The following GRIK1 variants were observed in gnomAD, a reference collection of about 807,000 sequenced individuals.
GRIK1 encodes glutamate receptor ionotropic, kainate 1.
GRIK1 carries 69 observed loss-of-function variants against 105.7 expected under a neutral mutation model. The ratio of observed to expected loss-of-function variants is 0.65; its 90% confidence interval spans 0.54 to 0.80. GRIK1 has a LOEUF of 0.80. Among genes scored for constraint, GRIK1 ranks in the 30% least tolerant of loss-of-function variants. The pLI is 0.00. For missense variants in GRIK1, 1,109 were observed against 1,167.3 expected, an observed-to-expected ratio of 0.95 and a Z score of 0.73; for synonymous variants, 438 against 431.3, an observed-to-expected ratio of 1.02 and a Z score of -0.19.
chr21:29,911,262 AACT>A, intron 1 of GRIK1, among the ~76,000 whole-genome samples: 1 of 152,234 alleles, frequency 6.6e-6, no homozygotes, highest in East Asian at 1.9e-4. Context: ...CTGTGTCATC[AACT>A]ACTATTTATT....
chr21:29,541,482 G>C (rs1264652384), intron 16 of GRIK1, among the ~76,000 whole-genome samples: 2 of 151,404 alleles, frequency 1.3e-5, no homozygotes, highest in Non-Finnish European at 2.9e-5. Flanking sequence ...CAGTCCAATG[G>C]GTGGCATATT....
intron 1 of GRIK1, among the ~76,000 whole-genome samples, chr21:29,930,417 A>C (rs1267902030): frequency 6.6e-6 from 1 of 152,212 alleles, no homozygotes; most frequent in East Asian, 1.9e-4. Flanking sequence ...CCTCACAATG[A>C]AAGAAAGTAA....
At chr21:29,540,070 G>A (rs1259939410) in intron 16 of GRIK1, among the ~76,000 whole-genome samples, 1 of 152,054 alleles carries the variant, frequency 6.6e-6, no homozygotes, top group Non-Finnish European at 1.5e-5. Flanking sequence ...CATTGAAATC[G>A]CCCAAATGAA....
intron 7 of GRIK1, among the ~76,000 whole-genome samples, chr21:29,641,420 G>A (rs2062508065): frequency 6.6e-6 from 1 of 152,316 alleles, no homozygotes; most frequent in South Asian, 2.1e-4. Flanking sequence ...CGCCATGATT[G>A]TGAGGCCTCC....
intron 1 of GRIK1, among the ~76,000 whole-genome samples, chr21:29,835,212 T>G (rs1479212048): frequency 6.6e-6 from 1 of 152,160 alleles, no homozygotes; most frequent in East Asian, 1.9e-4. Context: ...TGAAATTTCA[T>G]GGGGACTTAC....
chr21:29,619,041 G>A (rs1241648892), intron 7 of GRIK1, among the ~76,000 whole-genome samples: 3 of 150,112 alleles, frequency 2.0e-5, no homozygotes. Flanking sequence ...CAGGAGAAAA[G>A]CGTGAACCCA....
At chr21:29,816,851 A>G (rs1446279457) in intron 1 of GRIK1, among the ~76,000 whole-genome samples, 2 of 152,150 alleles carry the variant, frequency 1.3e-5, no homozygotes, top group Non-Finnish European at 2.9e-5. Flanking sequence ...GAATAGAAAG[A>G]GTAAGTTCTA....
At chr21:29,704,175 C>T (rs750081661) in intron 1 of GRIK1, among the ~76,000 whole-genome samples, 3 of 152,150 alleles carry the variant, frequency 2.0e-5, no homozygotes, top group Non-Finnish European at 2.9e-5. Context: ...TAAGACTATG[C>T]TAGGAGGAGT....
At position 29,587,605 on chromosome 21, in the gene GRIK1, C is replaced by G; in HGVS notation, c.1570-16G>C. On this transcript the variant is annotated splice_polypyrimidine_tract_variant and intron_variant, in intron 11 of 17. Transcript: ENST00000327783. The stretch of plus-strand genomic sequence containing the variant: ...GGTCAGCCCTCTGCAAAAGCAAGTC[C>G]AAAATTGTCAGCTTAGTCTAGTTTC... The G allele has an allele frequency of 3.3e-6, 5 of 1,499,214 alleles. No homozygotes were observed. The highest frequency in any genetic ancestry group is 4.6e-6 in the Non-Finnish European group (5 of 1,078,012). 92.9% of individuals were successfully genotyped at this position (1,499,214 alleles called of 1,614,324 possible).
At chr21:29,870,911 T>C (rs1258755711) in intron 1 of GRIK1, among the ~76,000 whole-genome samples, 7 of 152,140 alleles carry the variant, frequency 4.6e-5, no homozygotes, top group African/African-American at 1.7e-4. Context: ...TGATCTAGTT[T>C]ACCGGCTTAC....
At chr21:29,576,133 T>C (rs1368727426) in intron 14 of GRIK1, among the ~76,000 whole-genome samples, 1 of 152,202 alleles carries the variant, frequency 6.6e-6, no homozygotes, top group Non-Finnish European at 1.5e-5. Context: ...TTTTGTTCTT[T>C]TCATAAGTAG....
At chr21:29,848,779 A>ATATATATATATATATATATATATATATAT in intron 1 of GRIK1, among the ~76,000 whole-genome samples, 1 of 77,884 alleles carries the variant, frequency 1.3e-5, no homozygotes, top group African/African-American at 5.8e-5. Context: ...ATATATATAT[A>ATATATATATATATATATATATATATATAT]TTTTTTTTTT....
At chr21:29,809,211 C>T (rs2145883411) in intron 1 of GRIK1, among the ~76,000 whole-genome samples, 1 of 152,214 alleles carries the variant, frequency 6.6e-6, no homozygotes, top group South Asian at 2.1e-4. Flanking sequence ...GACATAATTA[C>T]TTAAGACATG....
intron 1 of GRIK1, chr21:29,861,726 AT>A: frequency 4.7e-6 from 2 of 425,008 alleles, no homozygotes; most frequent in Admixed American, 2.7e-5. Context: ...GATTATATGC[AT>A]TTTTCTTGTT....
intron 9 of GRIK1, among the ~76,000 whole-genome samples, chr21:29,594,138 C>T (rs979527272): frequency 6.6e-6 from 1 of 152,044 alleles, no homozygotes; most frequent in African/African-American, 2.4e-5. Flanking sequence ...GCTGAGTGAC[C>T]TCAGTCTTCT....
At position 29,593,661 on chromosome 21, in the gene GRIK1, T is replaced by C. The variant is rs1276834394; in HGVS notation, c.1252-2436A>G. ...GGAATCTAATTTTTAATTAAGTAAG[T>C]ATTGAAGGGTGGAGAAAATAACTGT... On this transcript the variant is annotated intron_variant, in intron 9 of 17. Coordinates refer to ENST00000327783, the MANE Select transcript of GRIK1 (RefSeq NM_001330994.2). 5.9e-5 allele frequency among the ~76,000 whole-genome samples: 9 copies of C among 152,164 alleles called. 1 individual carries two copies. In the South Asian group the frequency reaches 1.9e-3, roughly 32 times the overall value.
rs2061461658 is a variant in GRIK1, at chr21:29,598,712, G to A, written c.1206+118C>T. On this transcript the variant is annotated intron_variant, in intron 8 of 17. Coordinates refer to ENST00000327783, the MANE Select transcript of GRIK1 (RefSeq NM_001330994.2). ...AAGAAAGAGAGATAAAAAACTGGAT[G>A]TAAAAGAACATGCTTAGAGAATCAC... 10 of 529,378 alleles carry A rather than the reference G, an allele frequency of 1.9e-5. No homozygotes were observed. The East Asian group carries it at 2.8e-4, about 15-fold the overall frequency. The allele number at this position is 529,378 out of a possible 1,614,324, so 32.8% of individuals were successfully genotyped here. A position where few individuals can be genotyped will look rare whatever the true frequency, so the allele number is the denominator to read the frequency against.
At chr21:29,872,043 C>A (rs1390203500) in intron 1 of GRIK1, among the ~76,000 whole-genome samples, 1 of 151,986 alleles carries the variant, frequency 6.6e-6, no homozygotes, top group East Asian at 1.9e-4. Context: ...GGATTACAGG[C>A]ATGAGCCACC....
chr21:29,672,712 C>T (rs2063181996), intron 4 of GRIK1, among the ~76,000 whole-genome samples: 1 of 152,148 alleles, frequency 6.6e-6, no homozygotes, highest in South Asian at 2.1e-4. Context: ...ATGTCCTTCT[C>T]TCATCTTCAG....
Sources: gnomAD v4.1 joint callset for allele counts (sites outside exome capture counted in the v4.1 genomes callset) on GRCh38, gnomAD v4.1.1 for gene constraint, MANE v1.5 for transcripts, NCBI Gene and HGNC (gene_info 2026-07-23, HGNC 2026-07-21) for gene names.